The following TMEM123 variants were observed in gnomAD, a reference collection of about 807,000 sequenced individuals.
TMEM123 encodes the protein transmembrane protein 123.
Under a neutral mutation model 19.7 loss-of-function variants are expected in TMEM123, and 16 were observed. The observed-to-expected ratio is 0.81, with a 90% CI of 0.55 to 1.23. TMEM123 has a LOEUF of 1.23. Ranked by LOEUF, TMEM123 falls within the 50% of genes most tolerant of loss-of-function variation. TMEM123 has a pLI of 0.00. For synonymous variants in TMEM123, 118 were observed against 99.4 expected (o/e 1.19, Z -1.12); for missense variants, 313 against 257.8 (o/e 1.21, Z -1.47).
At chr11:102,398,960 T>A (rs998784160) in intron 4 of TMEM123, 69 bp from the exon 5 acceptor site, 1 of 1,411,262 alleles carries the variant, frequency 7.1e-7, no homozygotes, top group Non-Finnish European at 9.9e-7. Context: ...TGTTCCTATT[T>A]GTTAGTAAAG....
chr11:102,439,831 G>C (rs1419630692), intron 2 of TMEM123, among the ~76,000 whole-genome samples: 1 of 152,140 alleles, frequency 6.6e-6, no homozygotes, highest in Non-Finnish European at 1.5e-5. Context: ...TGGCTAACTA[G>C]AATAAATAGC....
chr11:102,440,867 A>C (rs1042796093), intron 2 of TMEM123, among the ~76,000 whole-genome samples: 6 of 152,218 alleles, frequency 3.9e-5, no homozygotes, highest in Non-Finnish European at 7.3e-5. Context: ...AGCAAATGGA[A>C]AACAAAAAAA....
At position 102,452,542 on chromosome 11, in the gene TMEM123, C is replaced by T; in HGVS notation, c.82G>A (p.Glu28Lys). 1.3e-6 allele frequency: 2 copies of T among 1,560,188 alleles called. No individual in the cohort carries two copies. The highest frequency in any genetic ancestry group is 1.7e-6 in the Non-Finnish European group (2 of 1,157,152). ...QVLALLGAAH[E>K]SAAMAASANI... ...CACTTACCCGCCATGGCTGCGCTTT[C>T]ATGGGCGGCCCCCAGCAGCGCTAGC... The change falls in exon 1 of 5, where the codon GAA (glutamate) becomes AAA (lysine). Residue 28 changes from glutamate (E) to lysine (K), a missense_variant. Glu to Lys is a moderately conservative substitution (Grantham distance 56, BLOSUM62 1). Coordinates refer to ENST00000398136, the MANE Select transcript of TMEM123 (RefSeq NM_052932.3).
At chr11:102,399,276 C>G (rs1951888924) in intron 4 of TMEM123, among the ~76,000 whole-genome samples, 1 of 152,056 alleles carries the variant, frequency 6.6e-6, no homozygotes, top group Admixed American at 6.6e-5. Context: ...AGACTACCAT[C>G]TCTATAAAAC....
At chr11:102,404,917 G>T (rs1015150056) in intron 2 of TMEM123, among the ~76,000 whole-genome samples, 11 of 152,012 alleles carry the variant, frequency 7.2e-5, no homozygotes, top group Middle Eastern at 3.4e-3. Context: ...ATTTATTTTT[G>T]ACTTAACTGT....
intron 2 of TMEM123, among the ~76,000 whole-genome samples, chr11:102,431,757 C>T (rs532714434): frequency 6.6e-6 from 1 of 152,300 alleles, no homozygotes; most frequent in East Asian, 1.9e-4. Flanking sequence ...TGTCCCCACC[C>T]AAATCTCATC....
At chr11:102,415,861 C>T (rs1360539304) in intron 2 of TMEM123, among the ~76,000 whole-genome samples, 9 of 151,974 alleles carry the variant, frequency 5.9e-5, no homozygotes, top group Non-Finnish European at 1.0e-4. Flanking sequence ...TGTGAAAAAA[C>T]ATACAAAAGA....
chr11:102,445,778 AG>A (rs1857878562), intron 2 of TMEM123, among the ~76,000 whole-genome samples: 1 of 152,208 alleles, frequency 6.6e-6, no homozygotes, highest in Non-Finnish European at 1.5e-5. Context: ...TAAAAGGAAA[AG>A]GTACCTAATA....
At chr11:102,403,945 C>T (rs879538180) in intron 2 of TMEM123, among the ~76,000 whole-genome samples, 11 of 152,204 alleles carry the variant, frequency 7.2e-5, no homozygotes, top group Non-Finnish European at 1.2e-4. Context: ...AAGCCCTCCC[C>T]AGAAACCAGG....
At chr11:102,431,722 A>G (rs902115768) in intron 2 of TMEM123, among the ~76,000 whole-genome samples, 1 of 152,170 alleles carries the variant, frequency 6.6e-6, no homozygotes, top group Non-Finnish European at 1.5e-5. Flanking sequence ...GGTTGATTCT[A>G]CAACTTGGTG....
rs1951919296 is a variant in TMEM123, at chr11:102,402,130, G to C, written c.234C>G (p.Ala78=). ...NSTVKPPTSV[A]SDSSNTTVTT... is the part of the protein sequence containing the mutation. ...TGACCGTTGTATTACTGGAGTCTGA[G>C]GCAACTGAAGTTGGTGGTTTCACAG... is the stretch of plus-strand genomic sequence containing the variant. The change falls in exon 3 of 5, where the codon GCC becomes GCG. Residue 78 remains alanine, a synonymous_variant. Transcript: ENST00000398136. 8.7e-6 allele frequency: 14 copies of C among 1,614,010 alleles called. No homozygotes were observed. The highest frequency in any genetic ancestry group is 1.2e-5 in the Non-Finnish European group (14 of 1,180,026).
chr11:102,409,905 A>C (rs1182813003), intron 2 of TMEM123, among the ~76,000 whole-genome samples: 1 of 152,072 alleles, frequency 6.6e-6, no homozygotes, highest in East Asian at 1.9e-4. Context: ...TTCAAAAAAA[A>C]AAAAAATCTA....
chr11:102,427,567 G>A lies in TMEM123; in HGVS notation c.157+21245C>T, dbSNP rs116500439. Among the ~76,000 whole-genome samples the A allele has an allele frequency of 5.9e-3, 891 of 149,820 alleles. 11 individuals are homozygous for A. The highest frequency in any genetic ancestry group is 0.02 in the African/African-American group (796 of 40,708). On this transcript the variant is annotated intron_variant, in intron 2 of 4. Transcript: ENST00000398136. ...AAATTCTACGGAAATGGCTGGGTGC[G>A]GTGGCTGATGTCTGTAATCCCAGCA...
At chr11:102,420,637 T>TG (rs1378973590) in intron 2 of TMEM123, among the ~76,000 whole-genome samples, 3 of 152,230 alleles carry the variant, frequency 2.0e-5, no homozygotes, top group African/African-American at 7.2e-5. Flanking sequence ...AAGGAGTCCC[T>TG]GCACTTCATC....
At chr11:102,406,944 G>A (rs769737947) in intron 2 of TMEM123, among the ~76,000 whole-genome samples, 36 of 151,906 alleles carry the variant, frequency 2.4e-4, no homozygotes, top group Non-Finnish European at 4.7e-4. Context: ...AGGGGGTGGA[G>A]CACCAAAAGC....
intron 2 of TMEM123, among the ~76,000 whole-genome samples, chr11:102,412,484 G>T (rs1217741241): frequency 6.6e-6 from 1 of 151,978 alleles, no homozygotes; most frequent in Non-Finnish European, 1.5e-5. Context: ...TTATGAGACT[G>T]GATTTAACTG....
Position 102,448,878 on chromosome 11 carries a change from TAAAG to T in TMEM123, c.101-14_101-11del, listed in dbSNP as rs980610418. 3.1e-6 allele frequency: 5 copies of T among 1,612,996 alleles called. No homozygotes were observed. Among genetic ancestry groups the T allele is most frequent in the Admixed American group, 3.3e-5 (2 of 59,996 alleles). ...TCTATGTTTGCAGATGCTGTAAAAA[TAAAG>T]AAATATCCTGTTATGAAAGAACATT... On this transcript the variant is annotated splice_polypyrimidine_tract_variant and intron_variant, in intron 1 of 4. Transcript: ENST00000398136.
At chr11:102,451,390 T>G (rs1404689642) in intron 1 of TMEM123, among the ~76,000 whole-genome samples, 3 of 152,152 alleles carry the variant, frequency 2.0e-5, no homozygotes, top group Non-Finnish European at 4.4e-5. Flanking sequence ...GAAGCCAGTT[T>G]GTCACACGCA....
At chr11:102,425,861 T>C (rs1952122509) in intron 2 of TMEM123, among the ~76,000 whole-genome samples, 1 of 152,178 alleles carries the variant, frequency 6.6e-6, no homozygotes, top group African/African-American at 2.4e-5. Context: ...CATGAGCCAT[T>C]GTGCCCGGCC....
Sources: allele counts gnomAD v4.1 joint callset (sites outside exome capture counted in the v4.1 genomes callset), GRCh38; gene constraint gnomAD v4.1.1; transcripts MANE v1.5; gene names NCBI Gene and HGNC (gene_info 2026-07-23, HGNC 2026-07-21).